MPP3: variants seen among roughly 807,000 people sequenced by gnomAD.
The protein encoded by MPP3 is MAGUK p55 scaffold protein 3, also known as MAGUK p55 subfamily member 3.
MPP3 carries 48 observed loss-of-function variants against 80.7 expected under a neutral mutation model. The ratio of observed to expected loss-of-function variants is 0.59; its 90% CI spans 0.47 to 0.76. The LOEUF is 0.76. MPP3 is among the 30% of genes least tolerant of loss of function. The pLI is 0.00. For missense variants in MPP3, 620 were observed against 763.0 expected (o/e 0.81, Z 2.21); for synonymous variants, 311 against 297.6 (o/e 1.04, Z -0.46).
chr17:43,801,870 T>G lies in MPP3; in HGVS notation c.1589A>C (p.Gln530Pro), dbSNP rs776477392. ...GGCAGAAGCGGCCATCTCTTGCTGC[T>G]GCTCATCCTGCAAGGAAAGGGGTGG... ...CEDTAAPFDE[Q>P]QQEMAASAAF... The change falls in exon 20 of 20, where the codon CAG becomes CCG. Residue 530 changes from glutamine to proline, a missense_variant. Coordinates refer to ENST00000398389, the MANE Select transcript of MPP3 (RefSeq NM_001932.6). 6.2e-7 allele frequency: 1 copy of G among 1,611,630 alleles called. No homozygotes were observed. The highest frequency in any genetic ancestry group is 1.7e-5 in the Admixed American group (1 of 59,938).
intron 7 of MPP3, among the ~76,000 whole-genome samples, chr17:43,829,186 AC>A (rs1414168492): frequency 6.6e-6 from 1 of 152,190 alleles, no homozygotes; most frequent in African/African-American, 2.4e-5. Context: ...GCATTGTCAC[AC>A]GTTTTCTATA....
At chr17:43,821,766 G>A (rs1567816825) in intron 10 of MPP3, among the ~76,000 whole-genome samples, 1 of 152,096 alleles carries the variant, frequency 6.6e-6, no homozygotes, top group African/African-American at 2.4e-5. Context: ...AGACCATTAG[G>A]GCCCAATCAC....
intron 11 of MPP3, among the ~76,000 whole-genome samples, chr17:43,820,009 A>G (rs908348098): frequency 6.6e-6 from 1 of 152,040 alleles, no homozygotes; most frequent in Non-Finnish European, 1.5e-5. Flanking sequence ...CAGTGGTGTG[A>G]TAACAGCTCA....
intron 11 of MPP3, among the ~76,000 whole-genome samples, chr17:43,819,756 C>T (rs940755668): frequency 6.6e-6 from 1 of 150,618 alleles, no homozygotes; most frequent in Non-Finnish European, 1.5e-5. Flanking sequence ...ACTACAAAAA[C>T]GATGCTATAA....
chr17:43,819,985 C>T (rs1372506108), intron 11 of MPP3, among the ~76,000 whole-genome samples: 1 of 152,004 alleles, frequency 6.6e-6, no homozygotes, highest in Non-Finnish European at 1.5e-5. Context: ...CTCACTCTTA[C>T]TCAGGCTGGA....
intron 4 of MPP3, 97 bp from the exon 5 acceptor site, chr17:43,831,418 G>A: frequency 1.4e-6 from 2 of 1,406,608 alleles, no homozygotes; most frequent in Non-Finnish European, 2.0e-6. Context: ...CACTGACAGG[G>A]CACCATAAGA....
intron 19 of MPP3, among the ~76,000 whole-genome samples, chr17:43,804,873 G>A (rs2044550911): frequency 1.3e-5 from 2 of 152,154 alleles, no homozygotes; most frequent in Non-Finnish European, 2.9e-5. Flanking sequence ...AAGGAAATTA[G>A]CCGAGCATGA....
chr17:43,826,931 G>A (rs996794903), intron 8 of MPP3, among the ~76,000 whole-genome samples: 21 of 151,332 alleles, frequency 1.4e-4, no homozygotes, highest in Middle Eastern at 3.2e-3. Context: ...AAACTCCTGG[G>A]CTCAAACAAT....
At chr17:43,810,334 C>T (rs2044278001) in intron 18 of MPP3, among the ~76,000 whole-genome samples, 1 of 152,094 alleles carries the variant, frequency 6.6e-6, no homozygotes, top group Admixed American at 6.5e-5. Flanking sequence ...TTCCCAGGGC[C>T]GTGTCTCCCT....
Position 43,814,028 on chromosome 17 carries a change from A to G in MPP3, c.1238T>C (p.Phe413Ser). 1 of 1,613,034 alleles carries G rather than the reference A, an allele frequency of 6.2e-7. No homozygotes were observed. The highest frequency in any genetic ancestry group is 8.5e-7 in the Non-Finnish European group (1 of 1,179,300). The stretch of plus-strand genomic sequence containing the variant: ...CCTCTTACGTGGAACAGCGACGCCA[A>G]AGTGCTGTGGGTTCTCAGCCACCAC... ...QKVVAENPQHFGVAVPHTTRP... is the reference protein window; with the variant it reads ...QKVVAENPQHSGVAVPHTTRP... The change falls in exon 16 of 20, where the codon TTT (phenylalanine) becomes TCT (serine). Residue 413 changes from phenylalanine (F) to serine (S), a missense_variant. By Grantham distance (155) the Phe-to-Ser change is radical. Coordinates refer to ENST00000398389, the MANE Select transcript of MPP3 (RefSeq NM_001932.6).
At chr17:43,830,157 C>A in intron 5 of MPP3, 50 bp from the exon 6 acceptor site, 3 of 1,375,534 alleles carry the variant, frequency 2.2e-6, no homozygotes, top group East Asian at 2.5e-5. Flanking sequence ...GCCCCTGCCC[C>A]ATATCTGCTG....
At chr17:43,823,297 T>C (rs775679501) in intron 10 of MPP3, among the ~76,000 whole-genome samples, 1 of 152,106 alleles carries the variant, frequency 6.6e-6, no homozygotes, top group South Asian at 2.1e-4. Context: ...CCCCACCACA[T>C]AGCCCTTAAC....
intron 14 of MPP3, 129 bp downstream of exon 14, chr17:43,815,909 G>C (rs1413585747): frequency 1.2e-6 from 1 of 849,214 alleles, no homozygotes; most frequent in African/African-American, 1.8e-5. Flanking sequence ...AGGAGAGATG[G>C]GGGTCCCATA....
In MPP3 at chr17:43,823,131, C is replaced by T. The variant is rs1203262645; in HGVS notation, c.684+800G>A. On this transcript the variant is annotated intron_variant, in intron 10 of 19. Transcript: ENST00000398389. ...TTCCTGGGGCCACTTCCCAAATAAA[C>T]CATTTGCATTCAATCCTTGTCTCAG... is the stretch of plus-strand genomic sequence containing the variant. 5.3e-5 allele frequency among the ~76,000 whole-genome samples: 8 copies of T among 152,298 alleles called. No homozygotes were observed. In the East Asian group the frequency reaches 1.5e-3, roughly 29 times the overall value.
Position 43,827,840 on chromosome 17 carries a change from C to G in MPP3, c.442-8G>C. 2 of 1,612,980 alleles carry G rather than the reference C, an allele frequency of 1.2e-6. No individual in the cohort carries two copies. The highest frequency in any genetic ancestry group is 2.7e-5 in the African/African-American group (2 of 75,046). ...CCGCCGGATGGTGGCACCCTGAACC[C>G]GAGACAGAAGAGACAGGTTCTTAAG... On this transcript the variant is annotated splice_region_variant and splice_polypyrimidine_tract_variant and intron_variant, in intron 7 of 19. Coordinates refer to ENST00000398389, the MANE Select transcript of MPP3 (RefSeq NM_001932.6).
At position 43,820,548 on chromosome 17, in the gene MPP3, G is replaced by A. The variant is rs1295681291; in HGVS notation, c.881+314C>T. The stretch of plus-strand genomic sequence containing the variant: ...TGGAGGTTGCAGTGAGCTAAGATTC[G>A]CCACTGCACTCCAGCCTGGGTGACA... On this transcript the variant is annotated intron_variant, in intron 11 of 19. Coordinates refer to ENST00000398389, the MANE Select transcript of MPP3 (RefSeq NM_001932.6). Among the ~76,000 whole-genome samples the A allele has an allele frequency of 1.7e-4, 25 of 146,776 alleles. No homozygotes were observed. The Admixed American group carries it at 1.7e-3, about 10-fold the overall frequency.
At chr17:43,807,198 C>T (rs963991809) in intron 19 of MPP3, among the ~76,000 whole-genome samples, 2 of 151,388 alleles carry the variant, frequency 1.3e-5, no homozygotes, top group Non-Finnish European at 2.9e-5. Context: ...GTCTCGAATT[C>T]CTGACGTCAG....
At chr17:43,815,149 T>C (rs944003598) in intron 14 of MPP3, among the ~76,000 whole-genome samples, 1 of 152,074 alleles carries the variant, frequency 6.6e-6, no homozygotes, top group East Asian at 1.9e-4. Context: ...CTGGGCAACA[T>C]GGTGAAACCC....
At chr17:43,814,142 A>C (rs2044998536) in intron 15 of MPP3, 51 bp from the exon 16 acceptor site, 11 of 1,604,358 alleles carry the variant, frequency 6.9e-6, no homozygotes, top group Non-Finnish European at 9.4e-6. Context: ...CTCCCTCCCC[A>C]CCTGCTCCAG....
Sources: gnomAD v4.1 joint callset for allele counts (sites outside exome capture counted in the v4.1 genomes callset) on GRCh38, gnomAD v4.1.1 for gene constraint, MANE v1.5 for transcripts, NCBI Gene and HGNC (gene_info 2026-07-23, HGNC 2026-07-21) for gene names.